The following SEMA3C variants were observed in gnomAD, a reference collection of about 807,000 sequenced individuals.
SEMA3C encodes the protein semaphorin-3C.
In SEMA3C, 47 loss-of-function variants were observed where a neutral mutation model predicts 89.4. The ratio of observed to expected loss-of-function variants is 0.53; its 90% CI spans 0.42 to 0.67. The LOEUF (loss-of-function observed/expected upper bound fraction) is 0.67, where lower values mean the gene tolerates loss of function less well. Ranked by LOEUF, SEMA3C falls within the 30% of genes least tolerant of loss-of-function variation. SEMA3C has a pLI of 0.00. For missense variants in SEMA3C, 839 were observed against 929.1 expected (o/e 0.90, Z 1.26); for synonymous variants, 310 against 320.2 (o/e 0.97, Z 0.34).
chr7:80,897,273 C>T (rs1791761830), intron 2 of SEMA3C, among the ~76,000 whole-genome samples: 1 of 152,092 alleles, frequency 6.6e-6, no homozygotes, highest in Admixed American at 6.5e-5. Flanking sequence ...AACACAGAAA[C>T]ATAAAACCAT....
At chr7:80,884,242 C>T (rs900999770) in intron 2 of SEMA3C, among the ~76,000 whole-genome samples, 1 of 152,144 alleles carries the variant, frequency 6.6e-6, no homozygotes, top group Non-Finnish European at 1.5e-5. Flanking sequence ...TAAGACATAA[C>T]TATCCATCTG....
At chr7:80,825,964 T>C (rs1263968231) in intron 4 of SEMA3C, among the ~76,000 whole-genome samples, 2 of 152,280 alleles carry the variant, frequency 1.3e-5, no homozygotes, top group East Asian at 1.9e-4. Context: ...TCCCCCAAGA[T>C]TGTGGTCTAA....
intron 5 of SEMA3C, among the ~76,000 whole-genome samples, chr7:80,812,690 T>C (rs1282762743): frequency 6.6e-6 from 1 of 152,160 alleles, no homozygotes; most frequent in African/African-American, 2.4e-5. Context: ...CCTGAAATAA[T>C]TCCTAAAACT....
At chr7:80,896,961 C>G (rs1198673822) in intron 2 of SEMA3C, among the ~76,000 whole-genome samples, 1 of 152,080 alleles carries the variant, frequency 6.6e-6, no homozygotes, top group South Asian at 2.1e-4. Context: ...AGAAAGGAAA[C>G]CCGGTGACAG....
Position 80,805,826 on chromosome 7 carries a change from T to C in SEMA3C, c.539-68A>G, listed in dbSNP as rs140444392. The C allele has an allele frequency of 2.0e-4, 231 of 1,162,410 alleles. 3 individuals are homozygous for C. The African/African-American group carries it at 3.1e-3, about 16-fold the overall frequency. The allele number at this position is 1,162,410 out of a possible 1,614,324, so 72.0% of individuals were successfully genotyped here. A position where few individuals can be genotyped will look rare whatever the true frequency, so the allele number is the denominator to read the frequency against. ...TATTTTGAAATTCTAGGTGAGTTTA[T>C]TTATTAGGAGATCACCACAGGTATT... On this transcript the variant is annotated intron_variant, in intron 6 of 17. Transcript: ENST00000265361.
chr7:80,755,488 C>A (rs564977857), intron 15 of SEMA3C, among the ~76,000 whole-genome samples: 1 of 151,128 alleles, frequency 6.6e-6, no homozygotes, highest in East Asian at 2.0e-4. Context: ...AGAAGGAGTA[C>A]TGATGTCCAG....
intron 13 of SEMA3C, among the ~76,000 whole-genome samples, chr7:80,763,059 G>A (rs1788221906): frequency 6.6e-6 from 1 of 152,086 alleles, no homozygotes; most frequent in South Asian, 2.1e-4. Context: ...TACAAATGCT[G>A]CAACCTATAA....
At chr7:80,918,352 G>A (rs1397907799) in intron 1 of SEMA3C, 1 of 152,108 alleles carries the variant, frequency 6.6e-6, no homozygotes, top group Non-Finnish European at 1.5e-5. Context: ...AAGAATACTG[G>A]TGATACAATG....
intron 2 of SEMA3C, among the ~76,000 whole-genome samples, chr7:80,842,447 G>T (rs1282525255): frequency 6.6e-6 from 1 of 152,052 alleles, no homozygotes; most frequent in Non-Finnish European, 1.5e-5. Flanking sequence ...GAGACTCAAA[G>T]TTTATTTATT....
rs1005349415 is a variant in SEMA3C at position 80,877,861 on chromosome 7, A to G, written c.103+38818T>C. ...GTGAGAATGGATGCACTAGAGTTGG[A>G]AGCAATATGACTGAAGAAGGCAAAA... On this transcript the variant is annotated intron_variant, in intron 2 of 17. Coordinates refer to ENST00000265361, the MANE Select transcript of SEMA3C (RefSeq NM_006379.5). 2.0e-5 allele frequency among the ~76,000 whole-genome samples: 3 copies of G among 152,152 alleles called. No homozygotes were observed. In the East Asian group the frequency reaches 5.8e-4, roughly 29 times the overall value.
chr7:80,779,173 C>T (rs1273199125), intron 12 of SEMA3C, among the ~76,000 whole-genome samples: 1 of 152,122 alleles, frequency 6.6e-6, no homozygotes, highest in African/African-American at 2.4e-5. Context: ...CTTTGCCATC[C>T]TAAGCAAGCA....
intron 2 of SEMA3C, among the ~76,000 whole-genome samples, chr7:80,880,193 C>T (rs955075338): frequency 3.9e-5 from 6 of 152,160 alleles, no homozygotes; most frequent in African/African-American, 1.2e-4. Flanking sequence ...CGAACCCTGA[C>T]TACCATTTAA....
At chr7:80,814,413 G>C (rs1239430030) in intron 5 of SEMA3C, among the ~76,000 whole-genome samples, 3 of 151,946 alleles carry the variant, frequency 2.0e-5, no homozygotes, top group Non-Finnish European at 2.9e-5. Context: ...AGGCTTGTTT[G>C]TAAGTTCATG....
intron 4 of SEMA3C, among the ~76,000 whole-genome samples, chr7:80,826,055 A>G (rs994897700): frequency 6.6e-6 from 1 of 152,136 alleles, no homozygotes; most frequent in Non-Finnish European, 1.5e-5. Context: ...AATCACTCCA[A>G]GAACCCTCTA....
intron 11 of SEMA3C, among the ~76,000 whole-genome samples, chr7:80,790,348 G>A (rs1171522077): frequency 1.3e-5 from 2 of 152,034 alleles, no homozygotes; most frequent in Non-Finnish European, 2.9e-5. Context: ...GGAGGAAGGA[G>A]AAGGGGAGGA....
intron 2 of SEMA3C, among the ~76,000 whole-genome samples, chr7:80,915,957 G>C (rs534864336): frequency 6.6e-6 from 1 of 152,184 alleles, no homozygotes; most frequent in Admixed American, 6.5e-5. Context: ...CAATTAGTAT[G>C]GGTTACTTGA....
At chr7:80,757,690 G>T (rs1340819853) in intron 15 of SEMA3C, among the ~76,000 whole-genome samples, 1 of 152,194 alleles carries the variant, frequency 6.6e-6, no homozygotes, top group Non-Finnish European at 1.5e-5. Flanking sequence ...AAAAAAGACG[G>T]CCGGGAGCGG....
At chr7:80,853,240 G>A (rs1186719044) in intron 2 of SEMA3C, among the ~76,000 whole-genome samples, 2 of 151,998 alleles carry the variant, frequency 1.3e-5, no homozygotes, top group Non-Finnish European at 2.9e-5. Flanking sequence ...TAGAACAACC[G>A]TAAGATCCAG....
rs73709368 is a variant in SEMA3C at position 80,918,783 on chromosome 7, T to C, written c.-39+45A>G. ...ATCAATATACAGGCCAAAAAAGTTA[T>C]ACTTTGCTAAATCTGTAATGCGGAA... On this transcript the variant is annotated intron_variant, in intron 1 of 17. Transcript: ENST00000265361. The C allele has an allele frequency of 1.5e-3, 1,429 of 982,564 alleles. 19 individuals carry two copies. In the African/African-American group the frequency reaches 0.022, roughly 15 times the overall value. The allele number at this position is 982,564 out of a possible 1,614,324, so 60.9% of individuals were successfully genotyped here.
Sources: allele counts gnomAD v4.1 joint callset (sites outside exome capture counted in the v4.1 genomes callset), GRCh38; gene constraint gnomAD v4.1.1; transcripts MANE v1.5; gene names NCBI Gene and HGNC (gene_info 2026-07-23, HGNC 2026-07-21).